NEK7: variants seen among roughly 807,000 people sequenced by gnomAD.
NEK7 encodes the protein serine/threonine-protein kinase Nek7.
NEK7 carries 18 observed loss-of-function variants against 44.6 expected under a neutral mutation model. The observed-to-expected ratio is 0.40, with a 90% CI of 0.28 to 0.60. NEK7 has a LOEUF of 0.60. Ranked by LOEUF, NEK7 falls within the 20% of genes least tolerant of loss-of-function variation. The probability of loss-of-function intolerance (pLI) is 0.38; values close to 1 mark genes in which losing one functional copy is unlikely to be tolerated. For synonymous variants in NEK7, 130 were observed against 121.1 expected, an observed-to-expected ratio of 1.07 and a Z score of -0.48; for missense variants, 256 against 366.5, an observed-to-expected ratio of 0.70 and a Z score of 2.46.
chr1:198,182,040 A>G (rs537269162), intron 1 of NEK7, among the ~76,000 whole-genome samples: 1 of 152,234 alleles, frequency 6.6e-6, no homozygotes, highest in Admixed American at 6.6e-5. Context: ...ATATGCGTAG[A>G]TATTTTCAGG....
intron 1 of NEK7, among the ~76,000 whole-genome samples, chr1:198,219,324 ATGTT>A (rs974345379): frequency 2.5e-4 from 37 of 150,388 alleles, no homozygotes; most frequent in Admixed American, 8.0e-4. Flanking sequence ...ATATGTGTGT[ATGTT>A]TGTGTGTGTA....
intron 8 of NEK7, among the ~76,000 whole-genome samples, chr1:198,296,290 T>C (rs1654713376): frequency 6.6e-6 from 1 of 152,234 alleles, no homozygotes; most frequent in Admixed American, 6.5e-5. Flanking sequence ...CTTGCTGCTG[T>C]GGTTCAAAGA....
intron 9 of NEK7, among the ~76,000 whole-genome samples, chr1:198,318,045 A>C (rs1227994582): frequency 6.6e-6 from 1 of 152,018 alleles, no homozygotes; most frequent in African/African-American, 2.4e-5. Flanking sequence ...TAAAATCTTC[A>C]GGCTCTCCCA....
rs1663906390 is a variant in NEK7 at position 198,157,023 on chromosome 1, G to A, written c.-282G>A. 6.6e-6 allele frequency: 1 copy of A among 152,144 alleles called. No homozygotes were observed. Among genetic ancestry groups the A allele is most frequent in the African/African-American group, 2.4e-5 (1 of 41,430 alleles). 9.4% of individuals were successfully genotyped at this position (152,144 alleles called of 1,614,324 possible). On this transcript the variant is annotated 5_prime_UTR_variant, in exon 1 of 10. Transcript: ENST00000367385. ...ACACTCCTGACAGCGGCGGCAGCAG[G>A]AGGAGGATCGGGAGTCGCGGGAGGA...
chr1:198,212,055 C>T (rs970956277), intron 1 of NEK7, among the ~76,000 whole-genome samples: 2 of 152,208 alleles, frequency 1.3e-5, no homozygotes, highest in African/African-American at 2.4e-5. Context: ...ATGTGTCTTG[C>T]GTGCATTCCC....
chr1:198,315,133 C>G (rs1199577522), intron 9 of NEK7, among the ~76,000 whole-genome samples: 3 of 152,194 alleles, frequency 2.0e-5, no homozygotes, highest in African/African-American at 4.8e-5. Context: ...ATATAGTCTC[C>G]TGGTGCGCCG....
At chr1:198,263,163 A>G (rs73080752) in intron 4 of NEK7, among the ~76,000 whole-genome samples, 3,820 of 151,920 alleles carry the variant, frequency 0.025, 149 homozygotes, top group African/African-American at 0.087. Flanking sequence ...TGCTTCTTTT[A>G]TAGTGAAGTT....
chr1:198,231,305 A>ATGTG (rs1558068370), intron 1 of NEK7, among the ~76,000 whole-genome samples: 1 of 88,030 alleles, frequency 1.1e-5, no homozygotes, highest in Non-Finnish European at 2.2e-5. Flanking sequence ...GTGTGTGTAT[A>ATGTG]TATATATATA....
At chr1:198,263,989 A>T in intron 4 of NEK7, 136 bp from the exon 5 acceptor site, 1 of 780,546 alleles carries the variant, frequency 1.3e-6, no homozygotes, top group Non-Finnish European at 1.8e-6. Flanking sequence ...CAATTCACTA[A>T]AGAAAAGTAT....
chr1:198,309,362 T>C (rs558206800), intron 9 of NEK7, among the ~76,000 whole-genome samples: 1 of 152,124 alleles, frequency 6.6e-6, no homozygotes, highest in Non-Finnish European at 1.5e-5. Context: ...AGTTTGGGGC[T>C]AAATAGGAGC....
At chr1:198,197,733 G>C (rs1290116452) in intron 1 of NEK7, 2 of 583,296 alleles carry the variant, frequency 3.4e-6, no homozygotes, top group African/African-American at 3.7e-5. Flanking sequence ...AGTTCGATGG[G>C]AGAACAGAAC....
At position 198,266,499 on chromosome 1, in the gene NEK7, C is replaced by T. The variant is rs192266163; in HGVS notation, c.372+2264C>T. Among the ~76,000 whole-genome samples the T allele has an allele frequency of 3.0e-3, 449 of 151,966 alleles. 1 individual carries two copies. Among genetic ancestry groups the T allele is most frequent in the Non-Finnish European group, 2.2e-3 (150 of 67,938 alleles). On this transcript the variant is annotated intron_variant, in intron 5 of 9. Transcript: ENST00000367385. Reference sequence around the variant, plus strand: ...ACTAATACTAATATAAAACTATATACCTGCAGTTGTAATGAGTTATATAAA... The same window carrying T: ...ACTAATACTAATATAAAACTATATATCTGCAGTTGTAATGAGTTATATAAA...
chr1:198,197,577 C>A (rs1188131097), intron 1 of NEK7, among the ~76,000 whole-genome samples: 2 of 152,172 alleles, frequency 1.3e-5, no homozygotes, highest in Non-Finnish European at 2.9e-5. Flanking sequence ...TATGATCTAT[C>A]CAAGCAGCAA....
chr1:198,183,015 A>T (rs1664812649), intron 1 of NEK7, among the ~76,000 whole-genome samples: 1 of 152,180 alleles, frequency 6.6e-6, no homozygotes. Flanking sequence ...CTTTGAGAGG[A>T]GGCCATTGTG....
chr1:198,204,245 G>T (rs1050842891), intron 1 of NEK7, among the ~76,000 whole-genome samples: 4 of 152,048 alleles, frequency 2.6e-5, no homozygotes, highest in African/African-American at 7.2e-5. Context: ...GTGTGACAGA[G>T]TAAGAGTCTG....
intron 1 of NEK7, among the ~76,000 whole-genome samples, chr1:198,193,046 A>G (rs1299705382): frequency 6.6e-6 from 1 of 151,884 alleles, no homozygotes; most frequent in African/African-American, 2.4e-5. Context: ...TTTTAAACTA[A>G]TAAAATAGAC....
chr1:198,297,328 G>A, intron 9 of NEK7, 88 bp downstream of exon 9: 4 of 1,504,928 alleles, frequency 2.7e-6, no homozygotes, highest in Non-Finnish European at 3.7e-6. Flanking sequence ...ATCCAAAAAT[G>A]AAAATGAATG....
intron 1 of NEK7, among the ~76,000 whole-genome samples, chr1:198,225,195 A>T (rs1342009583): frequency 6.6e-6 from 1 of 151,754 alleles, no homozygotes; most frequent in East Asian, 1.9e-4. Context: ...ATAAAAATTA[A>T]AAAATTATAA....
chr1:198,266,064 C>T (rs1390620365), intron 5 of NEK7, among the ~76,000 whole-genome samples: 1 of 152,064 alleles, frequency 6.6e-6, no homozygotes, highest in East Asian at 1.9e-4. Flanking sequence ...TACTTACTAT[C>T]TTTATACCCA....
Sources: gnomAD v4.1 joint callset for allele counts (sites outside exome capture counted in the v4.1 genomes callset) on GRCh38, gnomAD v4.1.1 for gene constraint, MANE v1.5 for transcripts, NCBI Gene and HGNC (gene_info 2026-07-23, HGNC 2026-07-21) for gene names.